RBM39: variants seen among roughly 807,000 people sequenced by gnomAD.
RBM39 encodes RNA-binding protein 39.
A neutral mutation model predicts 79.6 loss-of-function variants in RBM39; 12 were observed. The observed-to-expected ratio is 0.15, with a 90% CI of 0.10 to 0.24. RBM39 has a LOEUF of 0.24. Ranked by LOEUF, RBM39 falls within the 10% of genes least tolerant of loss-of-function variation. The pLI, the probability that RBM39 is intolerant of heterozygous loss-of-function variation, is 1.00. For missense variants in RBM39, 243 were observed against 653.4 expected (o/e 0.37, Z 6.85); for synonymous variants, 185 against 208.4 (o/e 0.89, Z 0.97).
At chr20:35,717,052 G>A (rs763298941) in intron 9 of RBM39, among the ~76,000 whole-genome samples, 2 of 152,128 alleles carry the variant, frequency 1.3e-5, no homozygotes, top group Non-Finnish European at 2.9e-5. Flanking sequence ...GGTTGAGGGA[G>A]GCGGATCACC....
At chr20:35,724,886 A>G (rs1412728148) in intron 7 of RBM39, 152 bp downstream of exon 7, 2 of 1,022,208 alleles carry the variant, frequency 2.0e-6, no homozygotes, top group African/African-American at 3.3e-5. Context: ...ACAAATTTGT[A>G]GTAACATTTA....
intron 9 of RBM39, among the ~76,000 whole-genome samples, chr20:35,717,432 T>C (rs1023786595): frequency 1.3e-5 from 2 of 151,852 alleles, no homozygotes; most frequent in Non-Finnish European, 2.9e-5. Flanking sequence ...AAACCAGAAA[T>C]CCTTCGTAAA....
chr20:35,718,893 T>C (rs2425092), intron 9 of RBM39, among the ~76,000 whole-genome samples: 27,909 of 149,978 alleles, frequency 0.19, 2,977 homozygotes, highest in African/African-American at 0.31. Context: ...TGTAGAAGAA[T>C]TGCTTGAACC....
At chr20:35,711,394 A>T (rs186190020) in intron 12 of RBM39, among the ~76,000 whole-genome samples, 72 of 152,348 alleles carry the variant, frequency 4.7e-4, no homozygotes, top group Admixed American at 1.5e-3. Flanking sequence ...ACTCACTGTA[A>T]AGGATCGAAT....
intron 12 of RBM39, 127 bp downstream of exon 12, chr20:35,712,892 A>G (rs888390650): frequency 7.4e-6 from 5 of 674,534 alleles, no homozygotes; most frequent in Non-Finnish European, 1.2e-5. Context: ...ATAGAAGACT[A>G]CAAACTAACA....
chr20:35,727,474 A>G (rs1160416303), intron 6 of RBM39, among the ~76,000 whole-genome samples: 3 of 151,214 alleles, frequency 2.0e-5, no homozygotes, highest in Non-Finnish European at 2.9e-5. Context: ...TAGACTGAAC[A>G]AATACAGTTC....
intron 3 of RBM39, chr20:35,734,327 G>C (rs2039686688): frequency 1.2e-6 from 1 of 862,872 alleles, no homozygotes; most frequent in Non-Finnish European, 1.7e-6. Context: ...CAGAAAATTA[G>C]GCTACACTCA....
In RBM39 at chr20:35,714,378, T is replaced by G; in HGVS notation, c.903A>C (p.Ser301=). 6.2e-7 allele frequency: 1 copy of G among 1,614,124 alleles called. No homozygotes were observed. The highest frequency in any genetic ancestry group is 8.5e-7 in the Non-Finnish European group (1 of 1,179,982). The change falls in exon 11 of 17, where the codon TCA becomes TCC. Residue 301 remains serine (S), a synonymous_variant. Transcript: ENST00000253363. The part of the protein sequence containing the change: ...KGYGFITFSD[S]ECAKKALEQL... ...GTTCCAAAGCCTTTTTGGCACATTCTGAGTCAGAAAACTACATGATAGGGG... is the reference window on the plus strand; with the variant it reads ...GTTCCAAAGCCTTTTTGGCACATTCGGAGTCAGAAAACTACATGATAGGGG...
intron 2 of RBM39, 127 bp from the exon 3 acceptor site, chr20:35,739,144 A>C (rs2040275896): frequency 1.2e-6 from 1 of 835,944 alleles, no homozygotes; most frequent in Non-Finnish European, 2.0e-6. Flanking sequence ...CTTATAGTTT[A>C]ACATGGAAGG....
intron 12 of RBM39, among the ~76,000 whole-genome samples, chr20:35,711,400 C>G (rs553709202): frequency 2.0e-5 from 3 of 152,078 alleles, no homozygotes; most frequent in Admixed American, 6.5e-5. Flanking sequence ...TGTAAAGGAT[C>G]GAATAGCTAA....
chr20:35,715,161 C>T (rs184573665), intron 10 of RBM39, among the ~76,000 whole-genome samples: 2 of 152,190 alleles, frequency 1.3e-5, no homozygotes, highest in East Asian at 3.9e-4. Flanking sequence ...TACTATGTTT[C>T]CAGGACCTTA....
chr20:35,721,944 T>C, intron 8 of RBM39, 67 bp from the exon 9 acceptor site: 1 of 1,519,338 alleles, frequency 6.6e-7, no homozygotes, highest in South Asian at 1.1e-5. Flanking sequence ...ACCTTCCATT[T>C]GCATAACAAC....
chr20:35,708,994 A>C (rs1338146393), intron 13 of RBM39: 1 of 413,380 alleles, frequency 2.4e-6, no homozygotes, highest in African/African-American at 2.1e-5. Context: ...TTTTAAGCAA[A>C]CTAAAGCAAA....
intron 13 of RBM39, chr20:35,707,464 T>A (rs1334484722): frequency 1.1e-5 from 3 of 262,226 alleles, no homozygotes; most frequent in Admixed American, 5.2e-5. Context: ...TTATGTGTTA[T>A]CAAAATCAGT....
chr20:35,715,130 T>A (rs918821330), intron 10 of RBM39, among the ~76,000 whole-genome samples: 1 of 152,182 alleles, frequency 6.6e-6, no homozygotes, highest in African/African-American at 2.4e-5. Context: ...CTGATAGAGA[T>A]ATACAGTGTA....
intron 3 of RBM39, among the ~76,000 whole-genome samples, chr20:35,733,174 A>G (rs1337374826): frequency 1.3e-5 from 2 of 152,008 alleles, no homozygotes; most frequent in African/African-American, 4.8e-5. Context: ...CTGATGGTGC[A>G]TGCCGGTAAT....
At chr20:35,741,533 T>C (rs1019879930) in intron 1 of RBM39, 1 of 152,188 alleles carries the variant, frequency 6.6e-6, no homozygotes, top group African/African-American at 2.4e-5. Context: ...TATTTAAAAC[T>C]CTGCTGTCAA....
At chr20:35,734,730 A>G in intron 3 of RBM39, 1 of 1,089,622 alleles carries the variant, frequency 9.2e-7, no homozygotes, top group Non-Finnish European at 1.2e-6. Flanking sequence ...GTAAAAAGAC[A>G]GCAACATACT....
intron 2 of RBM39, chr20:35,739,831 A>T (rs1453067426): frequency 5.5e-6 from 1 of 183,256 alleles, no homozygotes; most frequent in East Asian, 1.5e-4. Flanking sequence ...AATCCAAAAC[A>T]AATGTATTAT....
Sources: allele counts gnomAD v4.1 joint callset (sites outside exome capture counted in the v4.1 genomes callset), GRCh38; gene constraint gnomAD v4.1.1; transcripts MANE v1.5; gene names NCBI Gene and HGNC (gene_info 2026-07-23, HGNC 2026-07-21).